Variants in STAMBPL1 observed in about 807,000 individuals in gnomAD.
The protein encoded by STAMBPL1 is STAM binding protein like 1.
In STAMBPL1, 44 loss-of-function variants were observed where a neutral mutation model predicts 52.9. The ratio of observed to expected loss-of-function variants is 0.83; its 90% confidence interval spans 0.65 to 1.07. The LOEUF is 1.07. Among genes scored for constraint, STAMBPL1 ranks in the 50% least tolerant of loss-of-function variants. The pLI is 0.00. For synonymous variants in STAMBPL1, 164 were observed against 177.3 expected (o/e 0.92, Z 0.60); for missense variants, 511 against 520.8 (o/e 0.98, Z 0.18).
At chr10:88,896,931 C>T (rs1376834190) in intron 1 of STAMBPL1, among the ~76,000 whole-genome samples, 1 of 152,036 alleles carries the variant, frequency 6.6e-6, no homozygotes, top group African/African-American at 2.4e-5. Flanking sequence ...GAAAAAATCA[C>T]AAAATAAGCA....
chr10:88,907,235 T>C (rs1243261242), intron 3 of STAMBPL1, among the ~76,000 whole-genome samples: 1 of 152,190 alleles, frequency 6.6e-6, no homozygotes, highest in Admixed American at 6.5e-5. Flanking sequence ...AAAAATTGCC[T>C]TCCATGATTC....
intron 5 of STAMBPL1, among the ~76,000 whole-genome samples, chr10:88,911,362 A>T (rs540158404): frequency 2.0e-5 from 3 of 152,308 alleles, no homozygotes; most frequent in Admixed American, 6.5e-5. Flanking sequence ...GGAGAGCAGT[A>T]TATGGTTTCT....
intron 1 of STAMBPL1, among the ~76,000 whole-genome samples, chr10:88,881,344 G>A (rs566756600): frequency 6.6e-6 from 1 of 151,806 alleles, no homozygotes; most frequent in Admixed American, 6.6e-5. Flanking sequence ...TTTATGTAAG[G>A]AATAAGTAAT....
intron 1 of STAMBPL1, among the ~76,000 whole-genome samples, chr10:88,898,102 G>T (rs186185376): frequency 6.6e-6 from 1 of 152,080 alleles, no homozygotes; most frequent in Non-Finnish European, 1.5e-5. Context: ...ATCTAGAGCC[G>T]TGGTTTTCAG....
At chr10:88,898,024 C>T (rs12260572) in intron 1 of STAMBPL1, among the ~76,000 whole-genome samples, 8,234 of 152,124 alleles carry the variant, frequency 0.054, 573 homozygotes, top group African/African-American at 0.16. Flanking sequence ...TCTCCTGGCC[C>T]ACTTTATTTC....
At position 88,913,221 on chromosome 10, in the gene STAMBPL1, G is replaced by A. The variant is rs1246375532; in HGVS notation, c.541G>A (p.Glu181Lys). ...QLESEQFLFF[E>K]DQLKKQELAR... The stretch of plus-strand genomic sequence containing the variant: ...AGAATCGGAGCAGTTTCTGTTTTTC[G>A]AAGATCAACTCAAGAAGCAAGAGTT... Residue 181 changes from glutamate to lysine, a missense_variant, in exon 6 of 11, where the codon GAA becomes AAA. By Grantham distance (56) the Glu-to-Lys change is moderately conservative (BLOSUM62 1). This residue lies in a region of STAMBPL1 where 358 missense variants were observed against 343.5 expected (regional missense o/e 1.04). Transcript: ENST00000371926. The A allele has an allele frequency of 6.2e-6, 10 of 1,613,712 alleles. No individual in the cohort carries two copies. The highest frequency in any genetic ancestry group is 2.2e-5 in the East Asian group (1 of 44,884).
chr10:88,922,263 G>A (rs1845531812), intron 9 of STAMBPL1, 74 bp from the exon 10 acceptor site: 1 of 1,321,050 alleles, frequency 7.6e-7, no homozygotes, highest in African/African-American at 1.4e-5. Flanking sequence ...GTATGTGTGT[G>A]CTGTTCAAAT....
chr10:88,908,361 T>G (rs950781885), intron 3 of STAMBPL1, among the ~76,000 whole-genome samples: 1 of 152,200 alleles, frequency 6.6e-6, no homozygotes, highest in Non-Finnish European at 1.5e-5. Context: ...CTGATATTTT[T>G]ATGTGATTCT....
chr10:88,907,277 G>A (rs2231778), intron 3 of STAMBPL1, among the ~76,000 whole-genome samples: 4,580 of 152,196 alleles, frequency 0.03, 94 homozygotes, highest in Non-Finnish European at 0.042. Flanking sequence ...CAGTTTACAT[G>A]GTATGCAAAA....
intron 6 of STAMBPL1, among the ~76,000 whole-genome samples, chr10:88,914,190 T>G (rs978982696): frequency 5.3e-5 from 8 of 152,206 alleles, no homozygotes; most frequent in Admixed American, 1.3e-4. Flanking sequence ...TTTATCTATG[T>G]CTTATAGGAT....
intron 1 of STAMBPL1, among the ~76,000 whole-genome samples, chr10:88,881,858 A>G (rs533499586): frequency 6.6e-6 from 1 of 152,242 alleles, no homozygotes; most frequent in Non-Finnish European, 1.5e-5. Flanking sequence ...GTGTAGCTAC[A>G]CTATACATAT....
intron 1 of STAMBPL1, among the ~76,000 whole-genome samples, chr10:88,886,023 A>G (rs1844521962): frequency 6.6e-6 from 1 of 152,258 alleles, no homozygotes; most frequent in South Asian, 2.1e-4. Flanking sequence ...ATCATTGAGT[A>G]GAAGGAGAGA....
intron 1 of STAMBPL1, among the ~76,000 whole-genome samples, chr10:88,883,662 A>G (rs1175009744): frequency 6.6e-6 from 1 of 152,216 alleles, no homozygotes; most frequent in Non-Finnish European, 1.5e-5. Context: ...CAAAACACAT[A>G]TTGTTTGATG....
intron 1 of STAMBPL1, among the ~76,000 whole-genome samples, chr10:88,894,159 C>T (rs1208693795): frequency 6.6e-6 from 1 of 152,192 alleles, no homozygotes; most frequent in African/African-American, 2.4e-5. Flanking sequence ...TATCAACCTC[C>T]TTTGCAGTTT....
At chr10:88,898,931 T>C (rs182769309) in intron 1 of STAMBPL1, among the ~76,000 whole-genome samples, 1 of 152,296 alleles carries the variant, frequency 6.6e-6, no homozygotes, top group Admixed American at 6.5e-5. Flanking sequence ...TGCTTTGAAA[T>C]AGAAACTAGA....
At chr10:88,886,308 A>T (rs558140191) in intron 1 of STAMBPL1, among the ~76,000 whole-genome samples, 38 of 152,334 alleles carry the variant, frequency 2.5e-4, no homozygotes, top group South Asian at 1.5e-3. Flanking sequence ...TATCCTTGGT[A>T]CCCAGCATGC....
At chr10:88,912,869 T>C (rs1336574405) in intron 5 of STAMBPL1, 2 of 485,632 alleles carry the variant, frequency 4.1e-6, no homozygotes, top group Admixed American at 7.6e-5. Context: ...ATCCTGATTG[T>C]CATGGCCTGT....
chr10:88,903,939 G>A (rs1205427345), intron 2 of STAMBPL1, among the ~76,000 whole-genome samples: 1 of 152,210 alleles, frequency 6.6e-6, no homozygotes, highest in African/African-American at 2.4e-5. Flanking sequence ...AGATCTCTGA[G>A]GTTCTATTGG....
intron 1 of STAMBPL1, chr10:88,901,411 G>A (rs1844940149): frequency 3.6e-6 from 1 of 280,466 alleles, no homozygotes; most frequent in African/African-American, 2.2e-5. Context: ...GATTCATACT[G>A]GGTGTCAGTC....
Sources: gnomAD v4.1 joint callset for allele counts (sites outside exome capture counted in the v4.1 genomes callset) on GRCh38, gnomAD v4.1.1 for gene constraint, gnomAD v4.1.1 regional missense constraint, MANE v1.5 for transcripts, NCBI Gene and HGNC (gene_info 2026-07-23, HGNC 2026-07-21) for gene names.